SDHA: variants seen among roughly 807,000 people sequenced by gnomAD.
SDHA encodes succinate dehydrogenase complex flavoprotein subunit A.
A neutral mutation model predicts 78.4 loss-of-function variants in SDHA; 48 were observed. That is an observed-to-expected ratio of 0.61 (90% CI 0.49 to 0.78). The LOEUF (loss-of-function observed/expected upper bound fraction) is 0.78. Among genes scored for constraint, SDHA ranks in the 30% least tolerant of loss-of-function variants. The probability of loss-of-function intolerance (pLI) is 0.00; values close to 1 mark genes in which losing one functional copy is unlikely to be tolerated. For missense variants in SDHA, 680 were observed against 892.7 expected (o/e 0.76, Z 3.04); for synonymous variants, 326 against 353.9 (o/e 0.92, Z 0.88).
intron 11 of SDHA, chr5:249,907 A>T (rs573779592): frequency 3.3e-5 from 5 of 152,378 alleles, no homozygotes; most frequent in Non-Finnish European, 7.3e-5. Flanking sequence ...GAATGTAGTA[A>T]GGTGTCTGGA....
downstream of SDHA, among the ~76,000 whole-genome samples, chr5:258,602 C>T (rs1241695944): frequency 1.3e-4 from 16 of 127,492 alleles, no homozygotes; most frequent in East Asian, 2.0e-3. Context: ...GTGTGAGCTC[C>T]GCCTCCTGCC....
chr5:235,481 T>A, intron 9 of SDHA, 142 bp downstream of exon 9: 1 of 834,546 alleles, frequency 1.2e-6, no homozygotes, highest in Non-Finnish European at 2.0e-6. Context: ...GATTGCACTT[T>A]AAATTTCTAT....
At chr5:226,099 G>T (rs751890312) in intron 5 of SDHA, 52 bp downstream of exon 5, 7 of 1,598,226 alleles carry the variant, frequency 4.4e-6, no homozygotes, top group Admixed American at 1.7e-5. Flanking sequence ...TGGGGCTTAT[G>T]GTGACAGTGG....
intron 14 of SDHA, among the ~76,000 whole-genome samples, chr5:255,557 C>T (rs1317023997): frequency 1.3e-5 from 2 of 151,970 alleles, no homozygotes; most frequent in African/African-American, 4.8e-5. Context: ...CCCCCAGGCT[C>T]AGGTGATCCT....
chr5:256,124 C>T (rs1737163562), intron 14 of SDHA, among the ~76,000 whole-genome samples: 1 of 152,140 alleles, frequency 6.6e-6, no homozygotes, highest in Admixed American at 6.5e-5. Flanking sequence ...AGTAGAAAAA[C>T]TGGAAGTAGA....
intron 11 of SDHA, among the ~76,000 whole-genome samples, chr5:245,354 C>G (rs1736379229): frequency 6.6e-6 from 1 of 152,140 alleles, no homozygotes; most frequent in African/African-American, 2.4e-5. Flanking sequence ...TTTACTATCC[C>G]CTTAGCTGAG....
the SDHA span, among the ~76,000 whole-genome samples, chr5:263,368 C>G: frequency 1.3e-5 from 2 of 152,076 alleles, no homozygotes; most frequent in East Asian, 1.9e-4. Context: ...GTGATGGGGG[C>G]CTCAGCACTA....
chr5:256,249 A>C, intron 14 of SDHA, 85 bp from the exon 15 acceptor site: 1 of 964,970 alleles, frequency 1.0e-6, no homozygotes, highest in South Asian at 1.3e-5. Context: ...ATCTACTTTT[A>C]TAGTTAAAAT....
chr5:234,847 G>C (rs1413991576), intron 8 of SDHA: 1 of 455,162 alleles, frequency 2.2e-6, no homozygotes, highest in East Asian at 4.5e-5. Flanking sequence ...TGGCATAGAG[G>C]CCTTTCTAAT....
At chr5:265,744 C>T in the SDHA span, among the ~76,000 whole-genome samples, 6 of 151,636 alleles carry the variant, frequency 4.0e-5, no homozygotes, top group Non-Finnish European at 5.9e-5. Flanking sequence ...TGCTTGAACC[C>T]GGGAGGCGGA....
In SDHA at chr5:256,828, CTT is replaced by C. The variant is rs1420375226; in HGVS notation, c.*419_*420del. Reference sequence around the variant, plus strand: ...ATAGTTTCTTTTTTCTTTTTCTTTTCTTTTTTTTTTTTGAGACAGGATCGGTG... The same window carrying C: ...ATAGTTTCTTTTTTCTTTTTCTTTTCTTTTTTTTTTGAGACAGGATCGGTG... On this transcript the variant is annotated 3_prime_UTR_variant, in exon 15 of 15. Coordinates refer to ENST00000264932, the MANE Select transcript of SDHA (RefSeq NM_004168.4). 53 of 237,632 alleles carry C rather than the reference CTT, an allele frequency of 2.2e-4. No individual in the cohort carries two copies. Among genetic ancestry groups the C allele is most frequent in the Middle Eastern group, 1.2e-3 (1 of 806 alleles). 14.7% of individuals were successfully genotyped at this position (237,632 alleles called of 1,614,324 possible). A position where few individuals can be genotyped will look rare whatever the true frequency, so the allele number is the denominator to read the frequency against.
chr5:240,138 A>C (rs1261106104), intron 10 of SDHA, among the ~76,000 whole-genome samples: 1 of 152,156 alleles, frequency 6.6e-6, no homozygotes, highest in Non-Finnish European at 1.5e-5. Flanking sequence ...ATGGATATCT[A>C]CTGTGTGCCA....
At chr5:229,081 C>T (rs1735219753) in intron 6 of SDHA, among the ~76,000 whole-genome samples, 1 of 151,630 alleles carries the variant, frequency 6.6e-6, no homozygotes, top group South Asian at 2.1e-4. Flanking sequence ...TCTCATCTCG[C>T]TCCAGTTAGA....
chr5:223,248 G>C (rs1409876909), intron 1 of SDHA, among the ~76,000 whole-genome samples: 1 of 152,184 alleles, frequency 6.6e-6, no homozygotes, highest in Non-Finnish European at 1.5e-5. Context: ...GCTTCATCCT[G>C]GTTTTCTAGA....
intron 10 of SDHA, among the ~76,000 whole-genome samples, 168 bp from the exon 11 acceptor site, chr5:240,190 A>G (rs1292982607): frequency 1.3e-5 from 2 of 152,220 alleles, no homozygotes; most frequent in Admixed American, 6.5e-5. Flanking sequence ...CCCCAACTCA[A>G]CAGATGGCCT....
chr5:249,340 C>T (rs1479787542), intron 11 of SDHA: 1 of 222,696 alleles, frequency 4.5e-6, no homozygotes, highest in Non-Finnish European at 9.0e-6. Flanking sequence ...GGAACAGGCC[C>T]CCCAATGTGG....
chr5:264,788 A>G, the SDHA span, among the ~76,000 whole-genome samples: 1 of 152,238 alleles, frequency 6.6e-6, no homozygotes, highest in African/African-American at 2.4e-5. Context: ...TTTAAAGACA[A>G]ATAGAGCCAC....
rs201139275 is a variant in SDHA, at chr5:236,513, C to G, written c.1346C>G (p.Ala449Gly). 6.2e-7 allele frequency: 1 copy of G among 1,604,948 alleles called. No homozygotes were observed. The highest frequency in any genetic ancestry group is 8.5e-7 in the Non-Finnish European group (1 of 1,172,816). Reference sequence around the variant, plus strand: ...GCCGCCTGTGCCTCGGTACATGGTGCCAACCGCCTCGGGGCAAACTCGCTC... The same window carrying G: ...GCCGCCTGTGCCTCGGTACATGGTGGCAACCGCCTCGGGGCAAACTCGCTC... The part of the protein sequence containing the change: ...GEAACASVHG[A>G]NRLGANSLLD... The change falls in exon 10 of 15, where the codon GCC becomes GGC. Residue 449 changes from alanine to glycine, a missense_variant. Ala to Gly is a moderately conservative substitution (Grantham distance 60). Transcript: ENST00000264932.
chr5:236,472 G>A lies in SDHA; in HGVS notation c.1305G>A (p.Leu435=), dbSNP rs35964044. The change falls in exon 10 of 15, where the codon CTG becomes CTA. Residue 435 remains leucine (L), a synonymous_variant. Coordinates refer to ENST00000264932, the MANE Select transcript of SDHA (RefSeq NM_004168.4). ...GCCAGGATCAGATTGTGCCCGGCCT[G>A]TACGCCTGTGGGGAGGCCGCCTGTG... ...VNGQDQIVPG[L]YACGEAACAS... The A allele has an allele frequency of 3.1e-6, 5 of 1,613,914 alleles. No homozygotes were observed. Among genetic ancestry groups the A allele is most frequent in the East Asian group, 2.2e-5 (1 of 44,874 alleles).
Sources: gnomAD v4.1 joint callset for allele counts (sites outside exome capture counted in the v4.1 genomes callset) on GRCh38, gnomAD v4.1.1 for gene constraint, MANE v1.5 for transcripts, NCBI Gene and HGNC (gene_info 2026-07-23, HGNC 2026-07-21) for gene names.